CEP128: variants seen among roughly 807,000 people sequenced by gnomAD.
CEP128 encodes the protein centrosomal protein 128kDa.
A neutral mutation model predicts 156.7 loss-of-function variants in CEP128; 132 were observed. The observed-to-expected ratio is 0.84, with a 90% CI of 0.73 to 0.97. The LOEUF (loss-of-function observed/expected upper bound fraction) is 0.97, where lower values mean the gene tolerates loss of function less well. Among genes scored for constraint, CEP128 ranks in the 50% least tolerant of loss-of-function variants. The pLI is 0.00. For synonymous variants in CEP128, 469 were observed against 448.9 expected (o/e 1.04, Z -0.57); for missense variants, 1,252 against 1,281.9 (o/e 0.98, Z 0.36).
intron 8 of CEP128, among the ~76,000 whole-genome samples, chr14:80,888,742 C>A (rs1295949470): frequency 1.3e-5 from 2 of 152,156 alleles, no homozygotes; most frequent in African/African-American, 2.4e-5. Context: ...CCCTCTCTCT[C>A]CACTCCTATT....
chr14:80,623,083 G>T (rs1893556387), intron 19 of CEP128, among the ~76,000 whole-genome samples: 1 of 152,032 alleles, frequency 6.6e-6, no homozygotes, highest in South Asian at 2.1e-4. Context: ...TGACAGACTG[G>T]ATTAAGAAAA....
At chr14:80,911,790 A>G (rs1884231987) in intron 4 of CEP128, among the ~76,000 whole-genome samples, 1 of 152,266 alleles carries the variant, frequency 6.6e-6, no homozygotes, top group Non-Finnish European at 1.5e-5. Context: ...TGACAATAAA[A>G]GTAAAAAATA....
intron 14 of CEP128, among the ~76,000 whole-genome samples, chr14:80,785,786 A>G (rs1901378363): frequency 6.6e-6 from 1 of 152,188 alleles, no homozygotes; most frequent in Non-Finnish European, 1.5e-5. Flanking sequence ...TTTCATCACC[A>G]AAACTTATTT....
Position 80,836,274 on chromosome 14 carries a change from C to G in CEP128, c.988G>C (p.Val330Leu). Residue 330 changes from valine to leucine, a missense_variant, in exon 12 of 25, where the codon GTA (valine) becomes CTA (leucine). Transcript: ENST00000555265. ...EGDRKGLQHQ[V>L]SQISKQQSNY... ...GACTGTTGCTTGGAAATCTGAGATA[C>G]TTGATGCTGTAAACCCTTTCGATCA... 6.2e-7 allele frequency: 1 copy of G among 1,614,042 alleles called. No homozygotes were observed. The highest frequency in any genetic ancestry group is 8.5e-7 in the Non-Finnish European group (1 of 1,179,930).
chr14:80,946,257 G>A (rs74064754), upstream of CEP128, among the ~76,000 whole-genome samples: 24 of 151,362 alleles, frequency 1.6e-4, no homozygotes. Context: ...ATGAATATTG[G>A]TACTCTATTA....
intron 19 of CEP128, among the ~76,000 whole-genome samples, chr14:80,610,474 T>C (rs1333064295): frequency 6.6e-6 from 1 of 152,200 alleles, no homozygotes; most frequent in Non-Finnish European, 1.5e-5. Flanking sequence ...TTCATCAATA[T>C]TGAACCTTAA....
chr14:80,925,771 T>C (rs546278398), intron 2 of CEP128, among the ~76,000 whole-genome samples: 7 of 152,162 alleles, frequency 4.6e-5, no homozygotes, highest in African/African-American at 1.7e-4. Context: ...CAGTGGGCAG[T>C]AGTCTACATG....
At chr14:80,902,013 AT>A (rs1474304105) in intron 6 of CEP128, among the ~76,000 whole-genome samples, 3 of 152,010 alleles carry the variant, frequency 2.0e-5, no homozygotes, top group Admixed American at 6.6e-5. Flanking sequence ...CTGCCAAGCC[AT>A]TTGTTCTACC....
intron 19 of CEP128, among the ~76,000 whole-genome samples, chr14:80,736,118 A>G (rs1898515839): frequency 6.6e-6 from 1 of 152,156 alleles, no homozygotes; most frequent in Non-Finnish European, 1.5e-5. Context: ...AACATTATAG[A>G]AAAGACAGAT....
At chr14:80,733,338 TCGTGTGTG>T (rs1255195551) in intron 19 of CEP128, among the ~76,000 whole-genome samples, 5 of 100,010 alleles carry the variant, frequency 5.0e-5, no homozygotes, top group Non-Finnish European at 9.9e-5. Context: ...ACCACATGGG[TCGTGTGTG>T]TGTGTGTGTG....
intron 19 of CEP128, among the ~76,000 whole-genome samples, chr14:80,689,198 T>C (rs147375665): frequency 1.3e-3 from 165 of 127,086 alleles, no homozygotes; most frequent in African/African-American, 4.6e-3. Context: ...CTACTAAAAA[T>C]ACAAAAAAAA....
chr14:80,743,014 T>A (rs1242165380), intron 19 of CEP128, 61 bp downstream of exon 19: 1 of 1,503,648 alleles, frequency 6.7e-7, no homozygotes, highest in African/African-American at 1.4e-5. Flanking sequence ...TTTTTTCCAA[T>A]CCTAGGATTA....
At chr14:80,756,992 CT>C in intron 17 of CEP128, 41 bp from the exon 18 acceptor site, 2 of 1,259,572 alleles carry the variant, frequency 1.6e-6, no homozygotes, top group Non-Finnish European at 2.3e-6. Context: ...ACATTTTTCT[CT>C]GACATAAACA....
chr14:80,794,664 CA>C (rs1291642834), intron 13 of CEP128, among the ~76,000 whole-genome samples: 1 of 152,100 alleles, frequency 6.6e-6, no homozygotes, highest in African/African-American at 2.4e-5. Flanking sequence ...TCCTGTTCAT[CA>C]AGCATATGGT....
chr14:80,561,471 T>A (rs1212626550), intron 20 of CEP128, among the ~76,000 whole-genome samples: 3 of 152,166 alleles, frequency 2.0e-5, no homozygotes, highest in Non-Finnish European at 4.4e-5. Flanking sequence ...TACTTTAATA[T>A]CCTTTGCAGA....
intron 2 of CEP128, chr14:80,955,585 C>T: frequency 6.7e-7 from 1 of 1,485,984 alleles, no homozygotes; most frequent in Non-Finnish European, 9.4e-7. Flanking sequence ...ACCCCTCCCG[C>T]TCCCGGGTCT....
chr14:80,944,416 G>T (rs902126693), upstream of CEP128, among the ~76,000 whole-genome samples: 2 of 152,078 alleles, frequency 1.3e-5, no homozygotes, highest in African/African-American at 4.8e-5. Flanking sequence ...AGAGGATTTT[G>T]CCCACTTCTC....
At position 80,864,739 on chromosome 14, in the gene CEP128, G is replaced by T. The variant is rs556658381; in HGVS notation, c.646-1866C>A. Among the ~76,000 whole-genome samples, 5 of 151,966 alleles carry T rather than the reference G, an allele frequency of 3.3e-5. No homozygotes were observed. In the South Asian group the frequency reaches 1.0e-3, roughly 32 times the overall value. On this transcript the variant is annotated intron_variant, in intron 8 of 24. Transcript: ENST00000555265. ...GCCTGGCTAATTTTTGTATTTTTAG[G>T]AGAGATGTTGTTTCACCATGTCGGC...
intron 19 of CEP128, among the ~76,000 whole-genome samples, chr14:80,596,878 C>T (rs924614588): frequency 6.1e-5 from 4 of 65,670 alleles, no homozygotes; most frequent in Admixed American, 5.6e-4. Context: ...GAAAATATCA[C>T]AAAAATGTCA....
Sources: allele counts gnomAD v4.1 joint callset (sites outside exome capture counted in the v4.1 genomes callset), GRCh38; gene constraint gnomAD v4.1.1; transcripts MANE v1.5; gene names NCBI Gene and HGNC (gene_info 2026-07-23, HGNC 2026-07-21).